The following KCNAB2 variants were observed in gnomAD, a reference collection of about 807,000 sequenced individuals.
The protein encoded by KCNAB2 is potassium voltage-gated channel subfamily A regulatory beta subunit 2, also known as voltage-gated potassium channel subunit beta-2.
Under a neutral mutation model 63.6 loss-of-function variants are expected in KCNAB2, and 29 were observed. That is an observed-to-expected ratio of 0.46 (90% CI 0.34 to 0.62). KCNAB2 has a LOEUF of 0.62. Ranked by LOEUF, KCNAB2 falls within the 20% of genes least tolerant of loss-of-function variation. KCNAB2 has a pLI of 0.01. For synonymous variants in KCNAB2, 222 were observed against 224.2 expected (o/e 0.99, Z 0.09); for missense variants, 359 against 563.9 (o/e 0.64, Z 3.68).
Position 6,098,789 on chromosome 1 carries a change from A to T in KCNAB2, c.*215A>T. The T allele has an allele frequency of 1.7e-6, 1 of 580,436 alleles. No homozygotes were observed. Among genetic ancestry groups the T allele is most frequent in the South Asian group, 2.0e-5 (1 of 48,832 alleles). The allele number at this position is 580,436 out of a possible 1,614,324, so 36.0% of individuals were successfully genotyped here. ...AAGTCCAGTCTGTGCCGGGGAAGGC[A>T]CTGGTTAGGAAGGATGTTCAAACGG... On this transcript the variant is annotated 3_prime_UTR_variant, in exon 16 of 16. Transcript: ENST00000378083.
chr1:6,050,406 T>C (rs566849200), intron 1 of KCNAB2, among the ~76,000 whole-genome samples: 35 of 152,254 alleles, frequency 2.3e-4, no homozygotes, highest in Non-Finnish European at 4.3e-4. Context: ...GTGTTGAGCC[T>C]GCCTCCATGT....
Position 6,090,495 on chromosome 1 carries a change from G to A in KCNAB2, c.601+20G>A, listed in dbSNP as rs368204363. The A allele has an allele frequency of 2.3e-4, 368 of 1,596,808 alleles. No individual in the cohort carries two copies. The highest frequency in any genetic ancestry group is 5.2e-4 in the Middle Eastern group (3 of 5,784). ...TGGAAGGTAGGTGGTCTGCGGCGGCGCCACCGGTTAGGCCTGGGCGGGGTC... is the reference window on the plus strand; with the variant it reads ...TGGAAGGTAGGTGGTCTGCGGCGGCACCACCGGTTAGGCCTGGGCGGGGTC... On this transcript the variant is annotated intron_variant, in intron 9 of 15. Transcript: ENST00000378083.
chr1:6,009,211 G>C (rs1658001534), intron 1 of KCNAB2, among the ~76,000 whole-genome samples: 1 of 152,226 alleles, frequency 6.6e-6, no homozygotes, highest in Admixed American at 6.5e-5. Context: ...GCTGGGCCTT[G>C]CTCTGCACCT....
At chr1:6,017,490 C>T (rs547140758) in intron 1 of KCNAB2, among the ~76,000 whole-genome samples, 50 of 151,640 alleles carry the variant, frequency 3.3e-4, no homozygotes, top group Middle Eastern at 3.2e-3. Context: ...GTCTAGAATT[C>T]CAGGGCTCAA....
chr1:6,027,140 T>G (rs1232990506), intron 1 of KCNAB2, among the ~76,000 whole-genome samples: 1 of 152,084 alleles, frequency 6.6e-6, no homozygotes, highest in Non-Finnish European at 1.5e-5. Context: ...CTCACTTGCC[T>G]CCTCCATTTC....
chr1:6,041,864 G>A, upstream of KCNAB2: 1 of 1,613,944 alleles, frequency 6.2e-7, no homozygotes, highest in South Asian at 1.1e-5. Context: ...GACAGCTCCA[G>A]TTTTACAGGT....
intron 1 of KCNAB2, among the ~76,000 whole-genome samples, chr1:6,019,642 G>A (rs939123228): frequency 4.6e-5 from 7 of 152,224 alleles, no homozygotes; most frequent in Non-Finnish European, 7.3e-5. Flanking sequence ...CGACCTGAGC[G>A]TCTTCACTGA....
At chr1:6,013,276 C>T (rs1333299549) in intron 1 of KCNAB2, among the ~76,000 whole-genome samples, 1 of 152,092 alleles carries the variant, frequency 6.6e-6, no homozygotes, top group Non-Finnish European at 1.5e-5. Flanking sequence ...CCGCTGGGGC[C>T]AGTCAGGTGA....
chr1:6,064,947 C>T (rs1350679750), intron 2 of KCNAB2, among the ~76,000 whole-genome samples: 1 of 152,238 alleles, frequency 6.6e-6, no homozygotes, highest in Non-Finnish European at 1.5e-5. Context: ...TGAGCGTCTG[C>T]TGTAACCTAA....
At chr1:6,005,338 TAGAGTGGGG>T (rs1657569099) in intron 1 of KCNAB2, among the ~76,000 whole-genome samples, 1 of 24,276 alleles carries the variant, frequency 4.1e-5, no homozygotes, top group Non-Finnish European at 6.6e-5. Flanking sequence ...GGGGTGAGGG[TAGAGTGGGG>T]GGATGTGGGA....
Position 6,024,847 on chromosome 1 carries a change from A to G in KCNAB2, c.-52-15670A>G, listed in dbSNP as rs1659043814. 6.6e-6 allele frequency among the ~76,000 whole-genome samples: 1 copy of G among 152,184 alleles called. No homozygotes were observed. Among genetic ancestry groups the G allele is most frequent in the African/African-American group, 2.4e-5 (1 of 41,440 alleles). The stretch of plus-strand genomic sequence containing the variant: ...AAAGAACCCCAATTTCGAGCTGGAC[A>G]CACCTAGGCTCTGGTTCCAGCTTTG... On this transcript the variant is annotated intron_variant, in intron 1 of 16. Transcript: ENST00000341524. The surrounding 1 kb of genome is among the most constrained non-coding windows in gnomAD (Gnocchi z 5.4).
chr1:6,032,566 ACT>A (rs992983987), upstream of KCNAB2, among the ~76,000 whole-genome samples: 2 of 131,250 alleles, frequency 1.5e-5, no homozygotes, highest in Non-Finnish European at 3.4e-5. Context: ...ACAGACTGAG[ACT>A]CTGTTAAAAA....
At chr1:6,008,612 G>A (rs1458572773) in intron 1 of KCNAB2, among the ~76,000 whole-genome samples, 15 of 110,176 alleles carry the variant, frequency 1.4e-4, no homozygotes, top group African/African-American at 4.7e-4. Context: ...GAGACGGAGC[G>A]AGACTGTCTC....
intron 1 of KCNAB2, among the ~76,000 whole-genome samples, chr1:6,017,169 C>T (rs557543294): frequency 2.0e-5 from 3 of 152,100 alleles, no homozygotes; most frequent in South Asian, 2.1e-4. Flanking sequence ...ACGCAGGGTG[C>T]GTAGAGCAGA....
rs1344582227 is a variant in KCNAB2, at chr1:5,994,037, G to A, written c.-53+1249G>A. Among the ~76,000 whole-genome samples the A allele has an allele frequency of 1.3e-5, 2 of 152,166 alleles. No homozygotes were observed. The highest frequency in any genetic ancestry group is 4.8e-5 in the African/African-American group (2 of 41,442). ...GGAGATGACATAAGTAATAGCTCTT[G>A]GGGAAGTGGGCTATTAGCATTTATG... On this transcript the variant is annotated intron_variant, in intron 1 of 16. Transcript: ENST00000341524. This position sits in a 1 kb window ranked among gnomAD's most constrained non-coding sequence, Gnocchi z 5.4.
chr1:6,029,729 G>A (rs963888665), upstream of KCNAB2, among the ~76,000 whole-genome samples: 1 of 152,206 alleles, frequency 6.6e-6, no homozygotes, highest in African/African-American at 2.4e-5. Flanking sequence ...CAAGGTCATA[G>A]ACCAGCACAT....
chr1:6,042,689 C>T (rs540293555), upstream of KCNAB2, among the ~76,000 whole-genome samples: 14 of 152,330 alleles, frequency 9.2e-5, no homozygotes, highest in South Asian at 2.9e-3. Context: ...GTATGCATTG[C>T]TGCATCTTGG....
upstream of KCNAB2, chr1:6,041,764 G>A (rs1034668036): frequency 7.0e-6 from 10 of 1,429,416 alleles, no homozygotes; most frequent in Non-Finnish European, 9.8e-6. Context: ...TGGGGTTGAT[G>A]CCAACTGTGG....
intron 5 of KCNAB2, 100 bp from the exon 6 acceptor site, chr1:6,085,104 G>A (rs1263187916): frequency 5.7e-6 from 7 of 1,236,518 alleles, no homozygotes; most frequent in Non-Finnish European, 7.2e-6. Context: ...TGGCCCCAGT[G>A]ACATTTTCAC....
Sources: allele counts gnomAD v4.1 joint callset (sites outside exome capture counted in the v4.1 genomes callset), GRCh38; gene constraint gnomAD v4.1.1; non-coding constraint Gnocchi (gnomAD v3.1); transcripts MANE v1.5; gene names NCBI Gene and HGNC (gene_info 2026-07-23, HGNC 2026-07-21).